Variants in RIC8B observed in about 807,000 individuals in gnomAD.
The protein encoded by RIC8B is chaperone Ric-8B.
RIC8B carries 16 observed loss-of-function variants against 57.5 expected under a neutral mutation model. The ratio of observed to expected loss-of-function variants is 0.28; its 90% CI spans 0.19 to 0.42. The LOEUF is 0.42. RIC8B is among the 10% of genes least tolerant of loss of function. The pLI, the probability that RIC8B is intolerant of heterozygous loss-of-function variation, is 1.00. For synonymous variants in RIC8B, 216 were observed against 250.8 expected (o/e 0.86, Z 1.31); for missense variants, 481 against 677.0 (o/e 0.71, Z 3.21).
rs1320923541 is a variant in RIC8B at position 106,867,247 on chromosome 12, A to G, written c.1452-3576A>G. ...AGTGTGTCTTAATCCTTTTGTCTCC[A>G]GGCCCATAGCTGTTGTCAGTTCATA... On this transcript the variant is annotated intron_variant, in intron 8 of 9. Transcript: ENST00000392837. The surrounding 1 kb of genome is among the most constrained non-coding windows in gnomAD (Gnocchi z 4.3). Among the ~76,000 whole-genome samples, 2 of 152,222 alleles carry G rather than the reference A, an allele frequency of 1.3e-5. No homozygotes were observed. Among genetic ancestry groups the G allele is most frequent in the African/African-American group, 2.4e-5 (1 of 41,458 alleles).
intron 7 of RIC8B, among the ~76,000 whole-genome samples, chr12:106,852,406 G>A (rs1014782578): frequency 1.3e-5 from 2 of 152,114 alleles, no homozygotes; most frequent in African/African-American, 4.8e-5. Flanking sequence ...AGATGGAAAA[G>A]TTCACTCCTC....
intron 7 of RIC8B, among the ~76,000 whole-genome samples, chr12:106,859,107 GTATGT>G (rs1355562117): frequency 6.6e-6 from 1 of 152,052 alleles, no homozygotes; most frequent in Non-Finnish European, 1.5e-5. Context: ...GGATAAGATT[GTATGT>G]TATGTTGTGT....
chr12:106,855,078 G>A (rs1949660328), intron 7 of RIC8B, among the ~76,000 whole-genome samples: 1 of 152,192 alleles, frequency 6.6e-6, no homozygotes, highest in African/African-American at 2.4e-5. Context: ...ATCTGCCTTG[G>A]TAGGGGTTCC....
rs1475021250 is a variant in RIC8B, at chr12:106,887,445, C to G, written c.*1430C>G. Reference sequence around the variant, plus strand: ...GAGGGTTACTGAAAAGGTCATTTATCCAGAAGTTACCTCTCTGGCAAAGCA... The same window carrying G: ...GAGGGTTACTGAAAAGGTCATTTATGCAGAAGTTACCTCTCTGGCAAAGCA... On this transcript the variant is annotated 3_prime_UTR_variant, in exon 10 of 10. Coordinates refer to ENST00000392837, the MANE Select transcript of RIC8B (RefSeq NM_001330145.2). 1 of 152,194 alleles carries G rather than the reference C, an allele frequency of 6.6e-6. No homozygotes were observed. The highest frequency in any genetic ancestry group is 1.5e-5 in the Non-Finnish European group (1 of 68,018). 9.4% of individuals were successfully genotyped at this position (152,194 alleles called of 1,614,324 possible).
intron 7 of RIC8B, among the ~76,000 whole-genome samples, chr12:106,854,439 C>T (rs1345832593): frequency 6.6e-6 from 1 of 152,098 alleles, no homozygotes. Flanking sequence ...AAGGTCAGAC[C>T]ACTAAGTAGA....
intron 4 of RIC8B, among the ~76,000 whole-genome samples, chr12:106,837,705 A>G (rs1160007127): frequency 7.1e-6 from 1 of 141,102 alleles, no homozygotes; most frequent in Non-Finnish European, 1.5e-5. Flanking sequence ...GCAGTAGTGC[A>G]GTCTTGGCTC....
At chr12:106,837,361 C>G (rs78045413) in intron 4 of RIC8B, among the ~76,000 whole-genome samples, 1 of 142,764 alleles carries the variant, frequency 7.0e-6, no homozygotes, top group Non-Finnish European at 1.5e-5. Context: ...GACTGTTTCT[C>G]AAAAAAAAAA....
At chr12:106,778,551 C>T (rs909477358) in intron 1 of RIC8B, among the ~76,000 whole-genome samples, 2 of 152,010 alleles carry the variant, frequency 1.3e-5, no homozygotes, top group East Asian at 3.9e-4. Context: ...TTTCACATTT[C>T]GTATGTCATC....
chr12:106,803,137 C>T (rs73397377), intron 2 of RIC8B, among the ~76,000 whole-genome samples: 19,771 of 142,824 alleles, frequency 0.14, 1,447 homozygotes, highest in Middle Eastern at 0.22. Context: ...CTTTGAGCCC[C>T]GGAGTTCGAA....
chr12:106,790,362 A>C (rs572417833), intron 2 of RIC8B, among the ~76,000 whole-genome samples: 4 of 152,364 alleles, frequency 2.6e-5, no homozygotes, highest in African/African-American at 9.6e-5. Flanking sequence ...GGAAATTAGC[A>C]ACTAGAAGTG....
At chr12:106,842,478 GAAAT>G (rs1385742569) in intron 4 of RIC8B, 107 bp from the exon 5 acceptor site, 3 of 821,598 alleles carry the variant, frequency 3.7e-6, no homozygotes, top group Non-Finnish European at 5.6e-6. Context: ...TTTTGGAAAA[GAAAT>G]ATTTTAATTG....
rs565130547 is a variant in RIC8B at position 106,883,914 on chromosome 12, A to AT, written c.1572-1988dup. 2.4e-3 allele frequency among the ~76,000 whole-genome samples: 362 copies of AT among 152,268 alleles called. 1 individual carries two copies. The highest frequency in any genetic ancestry group is 4.6e-3 in the Non-Finnish European group (311 of 68,012). ...CAGCCTTACCTCCTGCCCCTCCTTCATTGAACCTCACCATTCCCCAAACAC... is the reference window on the plus strand; with the variant it reads ...CAGCCTTACCTCCTGCCCCTCCTTCATTTGAACCTCACCATTCCCCAAACAC... On this transcript the variant is annotated intron_variant, in intron 9 of 9. Coordinates refer to ENST00000392837, the MANE Select transcript of RIC8B (RefSeq NM_001330145.2).
In RIC8B at chr12:106,879,367, C is replaced by A. The variant is rs1950816013; in HGVS notation, c.1572-6537C>A. 5 of 985,052 alleles carry A rather than the reference C, an allele frequency of 5.1e-6. No individual in the cohort carries two copies. In the South Asian group the frequency reaches 2.3e-4, roughly 46 times the overall value. 61.0% of individuals were successfully genotyped at this position (985,052 alleles called of 1,614,324 possible). ...CGATTGGGTATGTTAGTATCTGAAC[C>A]CCAATTTTGCACTGTCATTTTTGGG... On this transcript the variant is annotated intron_variant, in intron 9 of 9. Coordinates refer to ENST00000392837, the MANE Select transcript of RIC8B (RefSeq NM_001330145.2). This position sits in a 1 kb window ranked among gnomAD's most constrained non-coding sequence, Gnocchi z 4.9.
chr12:106,836,991 TCA>T (rs1393389216), intron 4 of RIC8B, among the ~76,000 whole-genome samples: 2 of 152,172 alleles, frequency 1.3e-5, no homozygotes, highest in African/African-American at 4.8e-5. Context: ...CCTTCCTCAG[TCA>T]CATTACTCTC....
intron 6 of RIC8B, among the ~76,000 whole-genome samples, chr12:106,848,947 A>G (rs1243976331): frequency 6.6e-6 from 1 of 152,166 alleles, no homozygotes; most frequent in African/African-American, 2.4e-5. Flanking sequence ...CTATAGAATG[A>G]TGGTTACCAG....
At chr12:106,828,891 T>G (rs932159739) in intron 4 of RIC8B, among the ~76,000 whole-genome samples, 1 of 152,198 alleles carries the variant, frequency 6.6e-6, no homozygotes, top group Non-Finnish European at 1.5e-5. Flanking sequence ...ATCCAAGTGT[T>G]TCTGAAGCCA....
At chr12:106,836,562 C>G (rs1263766712) in intron 4 of RIC8B, among the ~76,000 whole-genome samples, 1 of 152,202 alleles carries the variant, frequency 6.6e-6, no homozygotes, top group Non-Finnish European at 1.5e-5. Flanking sequence ...TTTAGATTCT[C>G]TCACACTCCA....
intron 9 of RIC8B, among the ~76,000 whole-genome samples, chr12:106,882,761 G>A (rs989939830): frequency 6.6e-6 from 1 of 152,072 alleles, no homozygotes; most frequent in African/African-American, 2.4e-5. Context: ...AAGTATCAAT[G>A]AGCCCAGGCA....
chr12:106,823,487 A>G (rs2045947445), intron 3 of RIC8B: 1 of 455,852 alleles, frequency 2.2e-6, no homozygotes, highest in Admixed American at 2.4e-5. Flanking sequence ...CAAATAATGG[A>G]AAGACCAAAT....
Sources: allele counts gnomAD v4.1 joint callset (sites outside exome capture counted in the v4.1 genomes callset), GRCh38; gene constraint gnomAD v4.1.1; non-coding constraint Gnocchi (gnomAD v3.1); transcripts MANE v1.5; gene names NCBI Gene and HGNC (gene_info 2026-07-23, HGNC 2026-07-21).